The following CIITA variants were observed in gnomAD, a reference collection of about 807,000 sequenced individuals.
The protein encoded by CIITA is MHC class II transactivator.
In CIITA, 72 loss-of-function variants were observed where a neutral mutation model predicts 115.1. The observed-to-expected ratio is 0.63, with a 90% CI of 0.52 to 0.76. The LOEUF is 0.76. Ranked by LOEUF, CIITA falls within the 30% of genes least tolerant of loss-of-function variation. CIITA has a pLI of 0.00. For missense variants in CIITA, 1,617 were observed against 1,463.8 expected (o/e 1.10, Z -1.71); for synonymous variants, 763 against 635.6 (o/e 1.20, Z -3.02).
chr16:10,875,961 C>T (rs2035806490), upstream of CIITA, among the ~76,000 whole-genome samples: 1 of 152,126 alleles, frequency 6.6e-6, no homozygotes, highest in Non-Finnish European at 1.5e-5. Context: ...AAGAGCGCGA[C>T]TCCGTCTCAA....
chr16:10,912,760 G>T (rs534893507), intron 13 of CIITA, among the ~76,000 whole-genome samples: 56 of 152,374 alleles, frequency 3.7e-4, no homozygotes, highest in Middle Eastern at 3.4e-3. Context: ...CCTAGTTCAA[G>T]ATCGGAACTG....
chr16:10,902,275 A>G, intron 7 of CIITA, 91 bp downstream of exon 7: 1 of 1,539,410 alleles, frequency 6.5e-7, no homozygotes, highest in Middle Eastern at 1.7e-4. Context: ...CAGGAACTGG[A>G]CCTCACCTCT....
rs2040232234 is a variant in CIITA at position 10,920,871 on chromosome 16, T to C, written c.3150-1296T>C. ...GGCAGCAGTGTAAACCTGCTGCATTTATTTATTTTTTTCTTTTTTTTTCGA... is the reference window on the plus strand; with the variant it reads ...GGCAGCAGTGTAAACCTGCTGCATTCATTTATTTTTTTCTTTTTTTTTCGA... On this transcript the variant is annotated intron_variant, in intron 16 of 19. Coordinates refer to ENST00000324288, the MANE Select transcript of CIITA (RefSeq NM_000246.4). The surrounding 1 kb of genome is among the most constrained non-coding windows in gnomAD (Gnocchi z 4.5). 6.6e-6 allele frequency among the ~76,000 whole-genome samples: 1 copy of C among 152,126 alleles called. No individual in the cohort carries two copies. Among genetic ancestry groups the C allele is most frequent in the South Asian group, 2.1e-4 (1 of 4,822 alleles).
At chr16:10,909,729 A>G (rs562867208) in intron 12 of CIITA, among the ~76,000 whole-genome samples, 1 of 151,946 alleles carries the variant, frequency 6.6e-6, no homozygotes, top group Non-Finnish European at 1.5e-5. Flanking sequence ...GAGATCTTTT[A>G]TTTTTATTTT....
Position 10,925,164 on chromosome 16 carries a change from T to G in CIITA, c.*1309T>G, listed in dbSNP as rs1300499598. 2 of 152,226 alleles carry G rather than the reference T, an allele frequency of 1.3e-5. No homozygotes were observed. Among genetic ancestry groups the G allele is most frequent in the Non-Finnish European group, 2.9e-5 (2 of 68,062 alleles). 9.4% of individuals were successfully genotyped at this position (152,226 alleles called of 1,614,324 possible). On this transcript the variant is annotated 3_prime_UTR_variant, in exon 20 of 20. Coordinates refer to ENST00000324288, the MANE Select transcript of CIITA (RefSeq NM_000246.4). ...GGCCTCAGTGCCACTACGGAATAGT[T>G]GGCTAGGACCCCTCCATGTGGGCTA... is the stretch of plus-strand genomic sequence containing the variant.
intron 1 of CIITA, among the ~76,000 whole-genome samples, chr16:10,883,155 A>T (rs1317994177): frequency 6.6e-6 from 1 of 151,994 alleles, no homozygotes; most frequent in East Asian, 1.9e-4. Context: ...ATGGGTCAGG[A>T]CTGGAGTGTG....
chr16:10,871,741 T>C (rs1466160952), intron 1 of CIITA, among the ~76,000 whole-genome samples: 1 of 152,172 alleles, frequency 6.6e-6, no homozygotes, highest in Non-Finnish European at 1.5e-5. Flanking sequence ...TGTTCTGATT[T>C]TGGGAGTCTC....
intron 1 of CIITA, among the ~76,000 whole-genome samples, chr16:10,880,529 T>C (rs768184671): frequency 6.6e-6 from 1 of 152,170 alleles, no homozygotes; most frequent in Non-Finnish European, 1.5e-5. Flanking sequence ...AGACGCAGGA[T>C]TTGAACCCTG....
intron 5 of CIITA, among the ~76,000 whole-genome samples, chr16:10,899,627 C>G (rs1246929052): frequency 6.6e-6 from 1 of 152,184 alleles, no homozygotes; most frequent in Non-Finnish European, 1.5e-5. Context: ...GCAGTAGCAC[C>G]TCAGTAGATA....
Position 10,886,990 on chromosome 16 carries a change from G to A in CIITA, c.53-8292G>A, listed in dbSNP as rs575190147. 2.0e-5 allele frequency among the ~76,000 whole-genome samples: 3 copies of A among 152,224 alleles called. No individual in the cohort carries two copies. In the South Asian group the frequency reaches 6.2e-4, roughly 32 times the overall value. On this transcript the variant is annotated intron_variant, in intron 1 of 19. Transcript: ENST00000324288. ...GGGCCAGTAAGGAACTGAGCTCAGT[G>A]ACTTTCTTACGGGGTGCTCAGTGAA... is the stretch of plus-strand genomic sequence containing the variant.
chr16:10,898,726 A>C lies in CIITA; in HGVS notation c.352A>C (p.Ile118Leu), dbSNP rs142443082. ...CCAGCTGGAGGGCCTGAGCAAGGAC[A>C]TTTTCAGTAAGTTTGTGGTGGGTGG... ...DSQLEGLSKD[I>L]FKHIGPDEVI... Residue 118 changes from isoleucine (I) to leucine (L), a missense_variant, in exon 4 of 20, where the codon ATT (isoleucine) becomes CTT (leucine). Transcript: ENST00000324288. 1.9e-6 allele frequency: 3 copies of C among 1,611,644 alleles called. No homozygotes were observed. The South Asian group carries it at 3.3e-5, about 18-fold the overall frequency.
intron 1 of CIITA, among the ~76,000 whole-genome samples, chr16:10,893,804 T>TAAAACAAA (rs2037835858): frequency 3.1e-5 from 1 of 32,178 alleles, no homozygotes; most frequent in Non-Finnish European, 5.5e-5. Context: ...GACTCCGTCT[T>TAAAACAAA]AAAAAAAAAA....
At position 10,926,685 on chromosome 16, in the gene CIITA, C is replaced by A. The variant is rs2040545207; in HGVS notation, c.*2830C>A. ...CCTCCCAAGTAGCTGGGATTACAGGCATGCACCACCACGCCTGGCTAATTT... is the reference window on the plus strand; with the variant it reads ...CCTCCCAAGTAGCTGGGATTACAGGAATGCACCACCACGCCTGGCTAATTT... On this transcript the variant is annotated 3_prime_UTR_variant, in exon 20 of 20. Coordinates refer to ENST00000324288, the MANE Select transcript of CIITA (RefSeq NM_000246.4). 1 of 152,170 alleles carries A rather than the reference C, an allele frequency of 6.6e-6. No homozygotes were observed. Among genetic ancestry groups the A allele is most frequent in the Admixed American group, 6.5e-5 (1 of 15,274 alleles). The allele number at this position is 152,170 out of a possible 1,614,324, so 9.4% of individuals were successfully genotyped here.
In CIITA at chr16:10,906,853, A is replaced by G. The variant is rs2039195804; in HGVS notation, c.1361A>G (p.His454Arg). 6.2e-7 allele frequency: 1 copy of G among 1,613,302 alleles called. No homozygotes were observed. The highest frequency in any genetic ancestry group is 1.3e-5 in the African/African-American group (1 of 74,912). The change falls in exon 11 of 20, where the codon CAT (histidine) becomes CGT (arginine). Residue 454 changes from histidine to arginine, a missense_variant. Transcript: ENST00000324288. ...QYDFVFSVPC[H>R]CLNRPGDAYG... is the part of the protein sequence containing the mutation. Reference sequence around the variant, plus strand: ...GACTTTGTCTTCTCTGTCCCCTGCCATTGCTTGAACCGTCCGGGGGATGCC... The same window carrying G: ...GACTTTGTCTTCTCTGTCCCCTGCCGTTGCTTGAACCGTCCGGGGGATGCC...
chr16:10,932,408 A>T lies in CIITA; in HGVS notation c.*8553A>T, dbSNP rs369934601. On this transcript the variant is annotated 3_prime_UTR_variant, in exon 20 of 20. Coordinates refer to ENST00000324288, the MANE Select transcript of CIITA (RefSeq NM_000246.4). ...TAGGACCATCATCCCTGCATTTCACATGGAGCTCAGAGAGGTTAAGCAAGC... is the reference window on the plus strand; with the variant it reads ...TAGGACCATCATCCCTGCATTTCACTTGGAGCTCAGAGAGGTTAAGCAAGC... The T allele has an allele frequency of 6.6e-6, 1 of 152,194 alleles. No individual in the cohort carries two copies. The highest frequency in any genetic ancestry group is 1.9e-4 in the East Asian group (1 of 5,190). 9.4% of individuals were successfully genotyped at this position (152,194 alleles called of 1,614,324 possible). A position where few individuals can be genotyped will look rare whatever the true frequency, so the allele number is the denominator to read the frequency against.
intron 1 of CIITA, among the ~76,000 whole-genome samples, chr16:10,883,848 A>T (rs560133144): frequency 1.3e-5 from 2 of 152,218 alleles, no homozygotes; most frequent in Non-Finnish European, 2.9e-5. Flanking sequence ...AGCCAATCCC[A>T]TAGGGAGCAC....
intron 9 of CIITA, 56 bp from the exon 10 acceptor site, chr16:10,904,688 G>C (rs78446846): frequency 1.9e-6 from 3 of 1,602,044 alleles, no homozygotes; most frequent in Admixed American, 1.7e-5. Context: ...CAGAGGGAGG[G>C]GGGTCCCCAG....
At chr16:10,916,281 A>G in intron 14 of CIITA, 86 bp from the exon 15 acceptor site, 1 of 1,269,362 alleles carries the variant, frequency 7.9e-7, no homozygotes, top group Admixed American at 1.8e-5. Flanking sequence ...GGCAGGTGCC[A>G]GGGCTGAGGA....
At chr16:10,874,915 G>T (rs993742340), upstream of CIITA, among the ~76,000 whole-genome samples, 3 of 152,150 alleles carry the variant, frequency 2.0e-5, no homozygotes, top group Non-Finnish European at 4.4e-5. Flanking sequence ...AGTCAGAGGC[G>T]CCTCTCCCGT....
Sources: allele counts gnomAD v4.1 joint callset (sites outside exome capture counted in the v4.1 genomes callset), GRCh38; gene constraint gnomAD v4.1.1; non-coding constraint Gnocchi (gnomAD v3.1); transcripts MANE v1.5; gene names NCBI Gene and HGNC (gene_info 2026-07-23, HGNC 2026-07-21).